INSL6: variants seen among roughly 807,000 people sequenced by gnomAD.
INSL6 encodes insulin like 6.
A neutral mutation model predicts 9.4 loss-of-function variants in INSL6; 16 were observed. The observed-to-expected ratio is 1.70, with a 90% CI of 1.15 to 2.59. INSL6 has a LOEUF of 2.59. INSL6 is among the 30% of genes most tolerant of loss of function. INSL6 has a pLI of 0.00. For missense variants in INSL6, 391 were observed against 257.3 expected, an observed-to-expected ratio of 1.52 and a Z score of -3.56; for synonymous variants, 154 against 96.9, an observed-to-expected ratio of 1.59 and a Z score of -3.46.
At chr9:5,124,677 C>A (rs999479440) in intron 3 of INSL6, among the ~76,000 whole-genome samples, 4 of 151,778 alleles carry the variant, frequency 2.6e-5, no homozygotes, top group Non-Finnish European at 5.9e-5. Context: ...GCTACAGTAA[C>A]CAAAGCAGCA....
the INSL6 span, among the ~76,000 whole-genome samples, chr9:5,095,836 C>A: frequency 5.3e-5 from 8 of 152,136 alleles, no homozygotes; most frequent in African/African-American, 1.9e-4. Context: ...CATTATAAAT[C>A]TGATTGTTTA....
chr9:5,101,846 A>G, the INSL6 span, among the ~76,000 whole-genome samples: 1 of 152,234 alleles, frequency 6.6e-6, no homozygotes, highest in African/African-American at 2.4e-5. Context: ...ACAGAAAGGA[A>G]TAGCATCAAC....
the INSL6 span, chr9:5,111,236 C>T: frequency 1.8e-5 from 10 of 562,552 alleles, no homozygotes; most frequent in African/African-American, 1.5e-4. Flanking sequence ...GGGCCTATTC[C>T]TCCTTTGGTA....
chr9:5,043,983 A>C, the INSL6 span, among the ~76,000 whole-genome samples: 1 of 152,346 alleles, frequency 6.6e-6, no homozygotes, highest in East Asian at 1.9e-4. Flanking sequence ...TTACTAAAAG[A>C]CAATATAGAG....
intron 1 of INSL6, among the ~76,000 whole-genome samples, chr9:5,172,140 C>T (rs755742711): frequency 6.6e-6 from 1 of 152,080 alleles, no homozygotes; most frequent in Non-Finnish European, 1.5e-5. Context: ...AAAACAGACA[C>T]CTAAACCAAT....
At chr9:5,154,626 A>C (rs1337360519) in intron 2 of INSL6, among the ~76,000 whole-genome samples, 2 of 152,242 alleles carry the variant, frequency 1.3e-5, no homozygotes, top group Non-Finnish European at 2.9e-5. Flanking sequence ...CAAATTTACA[A>C]GAAAAAAAGC....
At chr9:5,130,413 T>C (rs1188343337) in intron 3 of INSL6, among the ~76,000 whole-genome samples, 2 of 152,138 alleles carry the variant, frequency 1.3e-5, no homozygotes, top group African/African-American at 4.8e-5. Context: ...CAAGGTGGTA[T>C]GGAAAAATGG....
chr9:5,084,323 A>C, the INSL6 span, among the ~76,000 whole-genome samples: 1 of 152,062 alleles, frequency 6.6e-6, no homozygotes, highest in East Asian at 1.9e-4. Context: ...TGATGTGTTC[A>C]GTGGTTTGTC....
the INSL6 span, among the ~76,000 whole-genome samples, chr9:5,032,554 G>C: frequency 3.3e-5 from 5 of 152,222 alleles, no homozygotes; most frequent in African/African-American, 4.8e-5. Flanking sequence ...AAAACTTCCA[G>C]AGGAACAGTC....
chr9:5,101,290 G>T, the INSL6 span, among the ~76,000 whole-genome samples: 1 of 152,224 alleles, frequency 6.6e-6, no homozygotes, highest in Non-Finnish European at 1.5e-5. Context: ...TAGCACAGCA[G>T]CCTAAGATCC....
At chr9:5,052,275 A>G in the INSL6 span, among the ~76,000 whole-genome samples, 4 of 152,158 alleles carry the variant, frequency 2.6e-5, no homozygotes, top group African/African-American at 9.6e-5. Flanking sequence ...GAATCATGTC[A>G]TCTATTGCTC....
chr9:5,141,881 G>C (rs1586859197), intron 2 of INSL6, among the ~76,000 whole-genome samples: 1 of 152,242 alleles, frequency 6.6e-6, no homozygotes, highest in South Asian at 2.1e-4. Flanking sequence ...AATCCATTTT[G>C]TGTTAATTTT....
the INSL6 span, chr9:5,110,771 G>C: frequency 2.6e-6 from 1 of 390,718 alleles, no homozygotes; most frequent in Non-Finnish European, 5.0e-6. Flanking sequence ...GGCCATGCAG[G>C]AGTGGTAAGG....
chr9:5,039,699 C>G, the INSL6 span, among the ~76,000 whole-genome samples: 1 of 151,736 alleles, frequency 6.6e-6, no homozygotes, highest in South Asian at 2.1e-4. Flanking sequence ...AGACAAAGAA[C>G]AATCCAAAAA....
chr9:5,027,729 C>T, the INSL6 span, among the ~76,000 whole-genome samples: 2 of 152,216 alleles, frequency 1.3e-5, no homozygotes, highest in African/African-American at 4.8e-5. Context: ...GTTGTCATTT[C>T]AACAATATTC....
At chr9:5,034,641 G>A in the INSL6 span, among the ~76,000 whole-genome samples, 1 of 151,944 alleles carries the variant, frequency 6.6e-6, no homozygotes, top group Non-Finnish European at 1.5e-5. Flanking sequence ...AATGACTACT[G>A]GGTACATAAC....
chr9:5,080,228 G>C, the INSL6 span: 1 of 1,606,774 alleles, frequency 6.2e-7, no homozygotes. Flanking sequence ...TCATTTAAAA[G>C]TTCTTCAGGA....
At chr9:5,069,093 G>A in the INSL6 span, 1 of 1,611,286 alleles carries the variant, frequency 6.2e-7, no homozygotes, top group South Asian at 1.1e-5. Flanking sequence ...ACCTCAGTGG[G>A]ACAAAGAAGA....
chr9:5,079,857 G>A, the INSL6 span, among the ~76,000 whole-genome samples: 3 of 152,038 alleles, frequency 2.0e-5, no homozygotes, highest in East Asian at 5.8e-4. Flanking sequence ...AAAACTAATG[G>A]AAAGAGGTTG....
Sources: allele counts gnomAD v4.1 joint callset (sites outside exome capture counted in the v4.1 genomes callset), GRCh38; gene constraint gnomAD v4.1.1; transcripts MANE v1.5; gene names NCBI Gene and HGNC (gene_info 2026-07-23, HGNC 2026-07-21).